B3GALT1: variants seen among roughly 807,000 people sequenced by gnomAD.
B3GALT1 encodes UDP-Gal:betaGlcNAc beta 1,3-galactosyltransferase, polypeptide 1.
A neutral mutation model predicts 23.2 loss-of-function variants in B3GALT1; 10 were observed. The observed-to-expected ratio is 0.43, with a 90% CI of 0.27 to 0.73. B3GALT1 has a LOEUF of 0.73. Ranked by LOEUF, B3GALT1 falls within the 30% of genes least tolerant of loss-of-function variation. The pLI, the probability that B3GALT1 is intolerant of heterozygous loss-of-function variation, is 0.21. For missense variants in B3GALT1, 299 were observed against 405.4 expected (o/e 0.74, Z 2.25); for synonymous variants, 156 against 141.5 (o/e 1.10, Z -0.73).
At chr2:167,462,485 A>G (rs544865223) in intron 1 of B3GALT1, among the ~76,000 whole-genome samples, 8 of 152,336 alleles carry the variant, frequency 5.3e-5, no homozygotes, top group Admixed American at 2.0e-4. Context: ...CTTTATTATA[A>G]GAAGAAAATC....
At chr2:167,570,275 G>T (rs1053269354) in intron 2 of B3GALT1, among the ~76,000 whole-genome samples, 1 of 151,820 alleles carries the variant, frequency 6.6e-6, no homozygotes, top group Non-Finnish European at 1.5e-5. Context: ...GAATTCATCA[G>T]TGAACTCATC....
At chr2:167,667,321 C>G (rs1686218222) in intron 3 of B3GALT1, among the ~76,000 whole-genome samples, 1 of 152,214 alleles carries the variant, frequency 6.6e-6, no homozygotes, top group Non-Finnish European at 1.5e-5. Context: ...GAGAGATCAG[C>G]TGTTAGTCTG....
At chr2:167,327,268 G>GT (rs1696910096) in intron 1 of B3GALT1, among the ~76,000 whole-genome samples, 2 of 152,068 alleles carry the variant, frequency 1.3e-5, no homozygotes, top group East Asian at 1.9e-4. Context: ...ATTTAGGCTT[G>GT]TTTTTTCTCT....
chr2:167,470,079 T>C (rs898005267), intron 1 of B3GALT1, among the ~76,000 whole-genome samples: 2 of 152,166 alleles, frequency 1.3e-5, no homozygotes, highest in Non-Finnish European at 2.9e-5. Flanking sequence ...CATCCTGATA[T>C]ATATCTGTGA....
At chr2:167,823,927 C>T (rs955060827) in intron 4 of B3GALT1, among the ~76,000 whole-genome samples, 6 of 152,040 alleles carry the variant, frequency 3.9e-5, no homozygotes, top group East Asian at 1.9e-4. Flanking sequence ...TTGGCAAGCA[C>T]GTGATAATTC....
chr2:167,333,277 A>G (rs1697003216), intron 1 of B3GALT1, among the ~76,000 whole-genome samples: 1 of 152,354 alleles, frequency 6.6e-6, no homozygotes, highest in East Asian at 1.9e-4. Flanking sequence ...TTATGCAGAA[A>G]GCCAAGAAGC....
chr2:167,506,610 A>G (rs2105351150), intron 2 of B3GALT1, among the ~76,000 whole-genome samples: 1 of 152,360 alleles, frequency 6.6e-6, no homozygotes, highest in East Asian at 1.9e-4. Context: ...CAGGCATGCA[A>G]GTGCTAGTAT....
intron 1 of B3GALT1, among the ~76,000 whole-genome samples, chr2:167,372,165 A>C (rs1004360959): frequency 7.9e-5 from 12 of 152,050 alleles, no homozygotes; most frequent in Non-Finnish European, 2.9e-5. Context: ...ATTTAGCCCA[A>C]AAATGAAAAG....
chr2:167,604,454 G>A (rs759361085), intron 2 of B3GALT1, among the ~76,000 whole-genome samples: 12 of 152,214 alleles, frequency 7.9e-5, no homozygotes, highest in South Asian at 2.1e-4. Context: ...ACATAGAATC[G>A]CATAATCACT....
intron 1 of B3GALT1, among the ~76,000 whole-genome samples, chr2:167,315,775 G>A (rs977102021): frequency 1.3e-5 from 2 of 152,108 alleles, no homozygotes; most frequent in African/African-American, 4.8e-5. Context: ...ACAAGTTTAT[G>A]CTGGGAGAGC....
At chr2:167,439,332 T>G (rs1008711585) in intron 1 of B3GALT1, among the ~76,000 whole-genome samples, 2 of 152,192 alleles carry the variant, frequency 1.3e-5, no homozygotes, top group African/African-American at 4.8e-5. Flanking sequence ...TGAATCCTAT[T>G]TTTCACATCA....
chr2:167,447,177 A>G (rs1369851739), intron 1 of B3GALT1, among the ~76,000 whole-genome samples: 1 of 152,136 alleles, frequency 6.6e-6, no homozygotes, highest in Non-Finnish European at 1.5e-5. Context: ...CAGAACAGCT[A>G]ATATCGCAGA....
At chr2:167,804,413 G>T (rs1402938030) in intron 3 of B3GALT1, among the ~76,000 whole-genome samples, 1 of 151,564 alleles carries the variant, frequency 6.6e-6, no homozygotes, top group Non-Finnish European at 1.5e-5. Flanking sequence ...TGCCATGTTG[G>T]TGTGCTGCAC....
At chr2:167,608,999 A>G (rs931188852) in intron 2 of B3GALT1, among the ~76,000 whole-genome samples, 1 of 151,982 alleles carries the variant, frequency 6.6e-6, no homozygotes, top group African/African-American at 2.4e-5. Flanking sequence ...GGAATATTTT[A>G]TCATTAGAGA....
At chr2:167,762,876 G>C (rs928437065) in intron 3 of B3GALT1, among the ~76,000 whole-genome samples, 1 of 152,158 alleles carries the variant, frequency 6.6e-6, no homozygotes, top group African/African-American at 2.4e-5. Context: ...TCTTTCTTCT[G>C]TAAAAACTGA....
intron 1 of B3GALT1, among the ~76,000 whole-genome samples, chr2:167,409,454 CA>C (rs1198374624): frequency 7.9e-5 from 12 of 152,000 alleles, no homozygotes; most frequent in Admixed American, 7.2e-4. Context: ...CATTCATTTT[CA>C]TTCTTGTTTC....
intron 1 of B3GALT1, among the ~76,000 whole-genome samples, chr2:167,294,670 TC>T (rs1696320755): frequency 6.6e-6 from 1 of 152,182 alleles, no homozygotes; most frequent in African/African-American, 2.4e-5. Flanking sequence ...GGGGCGAGGC[TC>T]CGGTACTTGA....
intron 3 of B3GALT1, among the ~76,000 whole-genome samples, chr2:167,742,725 A>G (rs1406444085): frequency 2.6e-5 from 4 of 152,144 alleles, no homozygotes; most frequent in African/African-American, 9.6e-5. Context: ...TTTTTATTAT[A>G]TAGTATTTGA....
At chr2:167,688,716 G>A (rs188916503) in intron 3 of B3GALT1, among the ~76,000 whole-genome samples, 2 of 152,054 alleles carry the variant, frequency 1.3e-5, no homozygotes, top group Admixed American at 1.3e-4. Flanking sequence ...AGAGAAAAAA[G>A]GGGCCCAAAC....
Sources: gnomAD v4.1 joint callset for allele counts (sites outside exome capture counted in the v4.1 genomes callset) on GRCh38, gnomAD v4.1.1 for gene constraint, MANE v1.5 for transcripts, NCBI Gene and HGNC (gene_info 2026-07-23, HGNC 2026-07-21) for gene names.